Variants in HOXC10 observed in about 807,000 individuals in gnomAD.
The protein encoded by HOXC10 is homeobox C10.
HOXC10 carries 15 observed loss-of-function variants against 26.0 expected under a neutral mutation model. The ratio of observed to expected loss-of-function variants is 0.58; its 90% CI spans 0.39 to 0.89. The LOEUF is 0.89. Among genes scored for constraint, HOXC10 ranks in the 40% least tolerant of loss-of-function variants. HOXC10 has a pLI of 0.00. For synonymous variants in HOXC10, 196 were observed against 185.5 expected, an observed-to-expected ratio of 1.06 and a Z score of -0.46; for missense variants, 446 against 451.9, an observed-to-expected ratio of 0.99 and a Z score of 0.12.
intron 1 of HOXC10, 148 bp downstream of exon 1, chr12:53,986,158 G>A: frequency 1.2e-6 from 1 of 863,424 alleles, no homozygotes; most frequent in Non-Finnish European, 1.7e-6. Flanking sequence ...CGTCCGCTGA[G>A]CTCCAGGCTG....
rs1369030212 is a variant in HOXC10 at position 53,985,910 on chromosome 12, G to A, written c.651G>A (p.Glu217=). ...CCAGCCCCAATGAAATCAAGACGGA[G>A]CAGAGCCTGGCGGGCCCTAAAGGGA... ...QTPSPNEIKT[E]QSLAGPKGSP... is the part of the protein sequence containing the mutation. The change falls in exon 1 of 2, where the codon GAG becomes GAA. Residue 217 remains glutamate, a synonymous_variant. Transcript: ENST00000303460. The A allele has an allele frequency of 6.2e-7, 1 of 1,613,690 alleles. No homozygotes were observed. The highest frequency in any genetic ancestry group is 1.7e-5 in the Admixed American group (1 of 60,006).
chr12:53,986,069 CG>C, intron 1 of HOXC10, 59 bp downstream of exon 1: 3 of 1,479,076 alleles, frequency 2.0e-6, no homozygotes, highest in Non-Finnish European at 1.8e-6. Flanking sequence ...TCTTCGCGGC[CG>C]GGGAGGGGGG....
intron 1 of HOXC10, among the ~76,000 whole-genome samples, chr12:53,987,574 A>G (rs1939457801): frequency 6.6e-6 from 1 of 152,104 alleles, no homozygotes; most frequent in South Asian, 2.1e-4. Context: ...GCCCCCACCA[A>G]AAGCAAAGTC....
intron 1 of HOXC10, 111 bp downstream of exon 1, chr12:53,986,121 G>C (rs1939431124): frequency 5.2e-6 from 6 of 1,161,068 alleles, no homozygotes; most frequent in African/African-American, 1.6e-5. Context: ...AGACCATTTC[G>C]GGAATGCGAC....
rs1285655768 is a variant in HOXC10, at chr12:53,990,031, C to G, written c.*585C>G. The G allele has an allele frequency of 6.6e-6, 1 of 152,258 alleles. No homozygotes were observed. The highest frequency in any genetic ancestry group is 1.9e-4 in the East Asian group (1 of 5,184). The allele number at this position is 152,258 out of a possible 1,614,324, so 9.4% of individuals were successfully genotyped here. On this transcript the variant is annotated 3_prime_UTR_variant, in exon 2 of 2. Transcript: ENST00000303460. ...CGTATTTGTACTGCTTTCTGCTTTT[C>G]TCCCACCCCTCCTAGCACCCCCACA...
In HOXC10 at chr12:53,985,788, C is replaced by T. The variant is rs1391028389; in HGVS notation, c.529C>T (p.Arg177Trp). ...CGACTTCGAAGCCCCTTTCGAGCAG[C>T]GGGCCAGTCTCAACCCGCGCGCCGA... ...ANDFEAPFEQ[R>W]ASLNPRAEHL... Residue 177 changes from arginine (R) to tryptophan (W), a missense_variant, in exon 1 of 2, where the codon CGG becomes TGG. Physicochemically the swap from Arg to Trp is moderately radical, Grantham distance 101. Coordinates refer to ENST00000303460, the MANE Select transcript of HOXC10 (RefSeq NM_017409.4). 1.9e-6 allele frequency: 3 copies of T among 1,613,730 alleles called. No homozygotes were observed. Among genetic ancestry groups the T allele is most frequent in the Admixed American group, 1.7e-5 (1 of 60,032 alleles).
At chr12:53,987,397 A>T (rs115105158) in intron 1 of HOXC10, among the ~76,000 whole-genome samples, 47 of 152,324 alleles carry the variant, frequency 3.1e-4, no homozygotes, top group African/African-American at 1.1e-3. Context: ...ACTGACTGGA[A>T]GATGAGCGCT....
chr12:53,985,236 C>A lies in HOXC10; in HGVS notation c.-24C>A. ...TCAGCTCCTCCGCTGTAGTATTGCT[C>A]CTTAAAAACCCCTCTCTCTGAAAAT... On this transcript the variant is annotated 5_prime_UTR_variant, in exon 1 of 2. Transcript: ENST00000303460. 7.1e-7 allele frequency: 1 copy of A among 1,406,386 alleles called. No individual in the cohort carries two copies. Among genetic ancestry groups the A allele is most frequent in the South Asian group, 1.4e-5 (1 of 71,578 alleles). The allele number at this position is 1,406,386 out of a possible 1,614,324, so 87.1% of individuals were successfully genotyped here. A position where few individuals can be genotyped will look rare whatever the true frequency, so the allele number is the denominator to read the frequency against.
chr12:53,986,918 T>C (rs1376296579), intron 1 of HOXC10, among the ~76,000 whole-genome samples: 1 of 152,206 alleles, frequency 6.6e-6, no homozygotes, highest in Non-Finnish European at 1.5e-5. Context: ...GATTCATTTC[T>C]GCTGTAGGAG....
Position 53,989,242 on chromosome 12 carries a change from T to C in HOXC10, c.825T>C (p.Tyr275=), listed in dbSNP as rs1253206307. The change falls in exon 2 of 2, where the codon TAT becomes TAC. Residue 275 remains tyrosine (Y), a synonymous_variant. Coordinates refer to ENST00000303460, the MANE Select transcript of HOXC10 (RefSeq NM_017409.4). Reference sequence around the variant, plus strand: ...GCGGAAGGAAGAAGAGGTGCCCCTATACTAAACACCAGACGCTGGAATTGG... The same window carrying C: ...GCGGAAGGAAGAAGAGGTGCCCCTACACTAAACACCAGACGCTGGAATTGG... ...AKSGRKKRCP[Y]TKHQTLELEK... is the part of the protein sequence containing the mutation. 6.2e-7 allele frequency: 1 copy of C among 1,614,130 alleles called. No homozygotes were observed. The highest frequency in any genetic ancestry group is 8.5e-7 in the Non-Finnish European group (1 of 1,179,958).
At position 53,985,969 on chromosome 12, in the gene HOXC10, C is replaced by T; in HGVS notation, c.710C>T (p.Ala237Val). ...PSESEKERAK[A>V]ADSSPDTSDN... is the part of the protein sequence containing the mutation. Reference sequence around the variant, plus strand: ...GAGAGCGAAAAGGAGAGGGCCAAAGCTGCCGACTCCAGCCCAGACACCTCG... The same window carrying T: ...GAGAGCGAAAAGGAGAGGGCCAAAGTTGCCGACTCCAGCCCAGACACCTCG... Residue 237 changes from alanine (A) to valine (V), a missense_variant, in exon 1 of 2, where the codon GCT becomes GTT. Transcript: ENST00000303460. 2 of 1,602,202 alleles carry T rather than the reference C, an allele frequency of 1.2e-6. No individual in the cohort carries two copies. Among genetic ancestry groups the T allele is most frequent in the Non-Finnish European group, 1.7e-6 (2 of 1,175,050 alleles).
In HOXC10 at chr12:53,989,399, C is replaced by G. The variant is rs1203415253; in HGVS notation, c.982C>G (p.Arg328Gly). ...NRRMKLKKMN[R>G]ENRIRELTSN... ...CAGAATGAAACTCAAGAAAATGAACCGAGAGAATCGGATCCGGGAACTGAC... is the reference window on the plus strand; with the variant it reads ...CAGAATGAAACTCAAGAAAATGAACGGAGAGAATCGGATCCGGGAACTGAC... The change falls in exon 2 of 2, where the codon CGA becomes GGA. Residue 328 changes from arginine to glycine, a missense_variant. Physicochemically the swap from Arg to Gly is moderately radical, Grantham distance 125. Coordinates refer to ENST00000303460, the MANE Select transcript of HOXC10 (RefSeq NM_017409.4). The G allele has an allele frequency of 6.2e-6, 10 of 1,613,776 alleles. No homozygotes were observed. Among genetic ancestry groups the G allele is most frequent in the Non-Finnish European group, 7.6e-6 (9 of 1,179,962 alleles).
At position 53,988,542 on chromosome 12, in the gene HOXC10, A is replaced by C. The variant is rs377594240; in HGVS notation, c.752-627A>C. Among the ~76,000 whole-genome samples the C allele has an allele frequency of 3.7e-4, 57 of 152,272 alleles. 1 individual carries two copies. In the East Asian group the frequency reaches 7.3e-3, roughly 20 times the overall value. On this transcript the variant is annotated intron_variant, in intron 1 of 1. Coordinates refer to ENST00000303460, the MANE Select transcript of HOXC10 (RefSeq NM_017409.4). ...GCTCTTACAAGCTCCCCTCAGCTGC[A>C]CATACCTGGGAGAAATGATTAAGAG...
chr12:53,985,691 C>G lies in HOXC10; in HGVS notation c.432C>G (p.Pro144=), dbSNP rs993174334. Residue 144 remains proline (P), a synonymous_variant, in exon 1 of 2, where the codon CCC becomes CCG. Transcript: ENST00000303460. ...CCTGCCTTGGGGAGCACGAGGTACC[C>G]GTGCCCAGCTACTACCGCGCCAGCC... ...PESCLGEHEV[P]VPSYYRASPS... is the part of the protein sequence containing the mutation. The G allele has an allele frequency of 1.9e-6, 3 of 1,610,488 alleles. No individual in the cohort carries two copies. In the East Asian group the frequency reaches 6.7e-5, roughly 36 times the overall value.
intron 1 of HOXC10, 177 bp downstream of exon 1, chr12:53,986,187 G>A (rs1425410026): frequency 3.5e-5 from 25 of 714,680 alleles, no homozygotes; most frequent in Middle Eastern, 3.9e-4. Context: ...TCACTTAGCT[G>A]GGGAAGGTAA....
At position 53,985,942 on chromosome 12, in the gene HOXC10, C is replaced by T. The variant is rs1272745571; in HGVS notation, c.683C>T (p.Ser228Leu). ...CTGGCGGGCCCTAAAGGGAGCCCCT[C>T]GGAGAGCGAAAAGGAGAGGGCCAAA... Reference protein sequence around the residue: ...QSLAGPKGSPSESEKERAKAA... With the variant: ...QSLAGPKGSPLESEKERAKAA... The change falls in exon 1 of 2, where the codon TCG becomes TTG. Residue 228 changes from serine to leucine, a missense_variant. By Grantham distance (145) the Ser-to-Leu change is moderately radical. Transcript: ENST00000303460. The T allele has an allele frequency of 6.2e-7, 1 of 1,612,312 alleles. No individual in the cohort carries two copies. Among genetic ancestry groups the T allele is most frequent in the East Asian group, 2.2e-5 (1 of 44,854 alleles).
In HOXC10 at chr12:53,989,410, G is replaced by C; in HGVS notation, c.993G>C (p.Arg331=). ...TCAAGAAAATGAACCGAGAGAATCG[G>C]ATCCGGGAACTGACCTCCAATTTTA... The part of the protein sequence containing the change: ...MKLKKMNREN[R]IRELTSNFNF... The change falls in exon 2 of 2, where the codon CGG becomes CGC. Residue 331 remains arginine, a synonymous_variant. Coordinates refer to ENST00000303460, the MANE Select transcript of HOXC10 (RefSeq NM_017409.4). 1 of 1,613,854 alleles carries C rather than the reference G, an allele frequency of 6.2e-7. No homozygotes were observed. Among genetic ancestry groups the C allele is most frequent in the Non-Finnish European group, 8.5e-7 (1 of 1,179,930 alleles).
chr12:53,985,923 G>A lies in HOXC10; in HGVS notation c.664G>A (p.Gly222Ser), dbSNP rs1939427206. The change falls in exon 1 of 2, where the codon GGC (glycine) becomes AGC (serine). Residue 222 changes from glycine (G) to serine (S), a missense_variant. Coordinates refer to ENST00000303460, the MANE Select transcript of HOXC10 (RefSeq NM_017409.4). ...NEIKTEQSLAGPKGSPSESEK... is the reference protein window; with the variant it reads ...NEIKTEQSLASPKGSPSESEK... ...AATCAAGACGGAGCAGAGCCTGGCG[G>A]GCCCTAAAGGGAGCCCCTCGGAGAG... The A allele has an allele frequency of 6.2e-7, 1 of 1,613,540 alleles. No homozygotes were observed. The highest frequency in any genetic ancestry group is 8.5e-7 in the Non-Finnish European group (1 of 1,179,886).
In HOXC10 at chr12:53,985,482, C is replaced by G. The variant is rs1939416632; in HGVS notation, c.223C>G (p.Gln75Glu). The change falls in exon 1 of 2, where the codon CAG (glutamine) becomes GAG (glutamate). Residue 75 changes from glutamine to glutamate, a missense_variant. Coordinates refer to ENST00000303460, the MANE Select transcript of HOXC10 (RefSeq NM_017409.4). ...CAACACCTATCCGTCCTACCTCTCGCAGCTGGACTCCTGGGGCGACCCCAA... is the reference window on the plus strand; with the variant it reads ...CAACACCTATCCGTCCTACCTCTCGGAGCTGGACTCCTGGGGCGACCCCAA... ...ALNTYPSYLS[Q>E]LDSWGDPKAA... 1 of 1,613,522 alleles carries G rather than the reference C, an allele frequency of 6.2e-7. No individual in the cohort carries two copies. Among genetic ancestry groups the G allele is most frequent in the South Asian group, 1.1e-5 (1 of 91,078 alleles).
Sources: gnomAD v4.1 joint callset for allele counts (sites outside exome capture counted in the v4.1 genomes callset) on GRCh38, gnomAD v4.1.1 for gene constraint, MANE v1.5 for transcripts, NCBI Gene and HGNC (gene_info 2026-07-23, HGNC 2026-07-21) for gene names.